ETV6: variants seen among roughly 807,000 people sequenced by gnomAD.
ETV6 encodes the protein ETS variant transcription factor 6.
Under a neutral mutation model 51.1 loss-of-function variants are expected in ETV6, and 16 were observed. The observed-to-expected ratio is 0.31, with a 90% CI of 0.21 to 0.48. ETV6 has a LOEUF of 0.48. Ranked by LOEUF, ETV6 falls within the 20% of genes least tolerant of loss-of-function variation. The pLI is 0.99. For synonymous variants in ETV6, 240 were observed against 224.1 expected (o/e 1.07, Z -0.64); for missense variants, 458 against 594.8 (o/e 0.77, Z 2.39).
At chr12:11,880,033 A>T (rs1449604061) in intron 5 of ETV6, among the ~76,000 whole-genome samples, 4 of 45,970 alleles carry the variant, frequency 8.7e-5, no homozygotes, top group Admixed American at 2.5e-4. Context: ...TCAATTGTTT[A>T]AAAAAAAAAA....
In ETV6 at chr12:11,859,220, C is replaced by G. The variant is rs1042418961; in HGVS notation, c.463+5659C>G. ...GCAGTGGTGCGATCTCGGTTCACTG[C>G]AAGCTCCACCTCCTGGGTTCACTCC... On this transcript the variant is annotated intron_variant, in intron 4 of 7. Transcript: ENST00000396373. Among the ~76,000 whole-genome samples, 120 of 138,682 alleles carry G rather than the reference C, an allele frequency of 8.7e-4. 1 individual carries two copies. The highest frequency in any genetic ancestry group is 3.1e-3 in the African/African-American group (117 of 37,230). 91.0% of individuals were successfully genotyped at this position (138,682 alleles called of 152,430 possible).
At chr12:11,709,655 G>C (rs982823612) in intron 1 of ETV6, among the ~76,000 whole-genome samples, 15 of 152,242 alleles carry the variant, frequency 9.9e-5, no homozygotes, top group African/African-American at 3.4e-4. Flanking sequence ...GGATGTTTCT[G>C]TGAAGGTATT....
At chr12:11,738,893 C>T (rs1292384195) in intron 1 of ETV6, among the ~76,000 whole-genome samples, 2 of 152,140 alleles carry the variant, frequency 1.3e-5, no homozygotes, top group South Asian at 2.1e-4. Flanking sequence ...GTTGTGGCTG[C>T]GCAACGTTTT....
chr12:11,871,262 C>T (rs760038179), intron 5 of ETV6, among the ~76,000 whole-genome samples: 12 of 148,332 alleles, frequency 8.1e-5, no homozygotes, highest in Admixed American at 2.0e-4. Context: ...AATCTCGGCT[C>T]ACTGCAAGCT....
intron 5 of ETV6, among the ~76,000 whole-genome samples, chr12:11,882,545 G>GGC (rs1328727925): frequency 1.3e-5 from 2 of 152,154 alleles, no homozygotes; most frequent in Non-Finnish European, 2.9e-5. Context: ...CTCATAAGGC[G>GGC]GCGTAAGGGT....
chr12:11,739,741 T>C (rs908233385), intron 1 of ETV6, among the ~76,000 whole-genome samples: 1 of 152,242 alleles, frequency 6.6e-6, no homozygotes, highest in Admixed American at 6.5e-5. Context: ...TTAGGTGTCC[T>C]ATGTTATTTA....
intron 1 of ETV6, among the ~76,000 whole-genome samples, chr12:11,747,840 G>A (rs1865936462): frequency 6.6e-6 from 1 of 152,160 alleles, no homozygotes; most frequent in African/African-American, 2.4e-5. Context: ...CTTACTTAAT[G>A]AAAGCCAACA....
chr12:11,690,670 C>G (rs1429891901), intron 1 of ETV6, among the ~76,000 whole-genome samples: 1 of 152,020 alleles, frequency 6.6e-6, no homozygotes, highest in East Asian at 1.9e-4. Flanking sequence ...AGGCAGACCA[C>G]TTGAGGTGCA....
At chr12:11,871,969 T>G (rs1946887237) in intron 5 of ETV6, among the ~76,000 whole-genome samples, 1 of 152,252 alleles carries the variant, frequency 6.6e-6, no homozygotes, top group South Asian at 2.1e-4. Flanking sequence ...GTCAGTGTAT[T>G]GCTGTGAATT....
chr12:11,880,591 T>C (rs1165277837), intron 5 of ETV6, among the ~76,000 whole-genome samples: 1 of 152,184 alleles, frequency 6.6e-6, no homozygotes, highest in Non-Finnish European at 1.5e-5. Context: ...AACAGAAACA[T>C]GCAGTGAAAA....
intron 1 of ETV6, among the ~76,000 whole-genome samples, chr12:11,653,861 G>A (rs1863952676): frequency 6.6e-6 from 1 of 151,990 alleles, no homozygotes; most frequent in Admixed American, 6.5e-5. Flanking sequence ...TCGCCAGACT[G>A]GAGTTCAGTG....
intron 1 of ETV6, among the ~76,000 whole-genome samples, chr12:11,699,531 G>A (rs1565490641): frequency 6.6e-6 from 1 of 152,154 alleles, no homozygotes; most frequent in Non-Finnish European, 1.5e-5. Context: ...GCAGGGGTGT[G>A]TGTGTTTCTT....
At chr12:11,812,812 A>G (rs1945933869) in intron 2 of ETV6, among the ~76,000 whole-genome samples, 1 of 152,166 alleles carries the variant, frequency 6.6e-6, no homozygotes, top group Non-Finnish European at 1.5e-5. Flanking sequence ...TGGGGACTGT[A>G]TTGAGTGCAG....
chr12:11,661,775 T>A (rs1361975619), intron 1 of ETV6, among the ~76,000 whole-genome samples: 1 of 152,216 alleles, frequency 6.6e-6, no homozygotes, highest in Non-Finnish European at 1.5e-5. Context: ...AAACAAAGGC[T>A]CCCTTTCTGA....
chr12:11,701,437 T>C (rs1266890045), intron 1 of ETV6, among the ~76,000 whole-genome samples: 1 of 152,236 alleles, frequency 6.6e-6, no homozygotes, highest in Non-Finnish European at 1.5e-5. Flanking sequence ...TTATCCATGT[T>C]GTAGCATGTG....
chr12:11,839,290 G>C lies in ETV6; in HGVS notation c.314G>C (p.Arg105Pro). The C allele has an allele frequency of 6.2e-7, 1 of 1,613,670 alleles. No individual in the cohort carries two copies. ...LLLTKEDFRY[R>P]SPHSGDVLYE... ...CTGACCAAAGAGGACTTTCGCTATC[G>C]ATCTCCTCATTCAGGTGAGAGTCTG... is the stretch of plus-strand genomic sequence containing the variant. Residue 105 changes from arginine (R) to proline (P), a missense_variant, in exon 3 of 8, where the codon CGA becomes CCA. Around this residue, in one of 4 missense-constraint regions of ETV6, gnomAD observed 293 missense variants for 315.7 expected, o/e 0.93. Transcript: ENST00000396373.
intron 1 of ETV6, among the ~76,000 whole-genome samples, chr12:11,706,383 C>T (rs1170397651): frequency 1.3e-5 from 2 of 152,198 alleles, no homozygotes; most frequent in Non-Finnish European, 2.9e-5. Context: ...TTTCTCTTCG[C>T]TGGAAGAGCC....
intron 2 of ETV6, among the ~76,000 whole-genome samples, chr12:11,813,183 T>C (rs989320706): frequency 6.6e-6 from 1 of 152,216 alleles, no homozygotes; most frequent in Non-Finnish European, 1.5e-5. Flanking sequence ...ATCAGAATTT[T>C]CCATCCTTCC....
At chr12:11,827,408 A>C (rs572907971) in intron 2 of ETV6, among the ~76,000 whole-genome samples, 1 of 152,136 alleles carries the variant, frequency 6.6e-6, no homozygotes, top group Non-Finnish European at 1.5e-5. Flanking sequence ...TCCTTAAAAA[A>C]CAGCATGTTC....
Sources: allele counts gnomAD v4.1 joint callset (sites outside exome capture counted in the v4.1 genomes callset), GRCh38; gene constraint gnomAD v4.1.1; regional missense constraint gnomAD v4.1.1; transcripts MANE v1.5; gene names NCBI Gene and HGNC (gene_info 2026-07-23, HGNC 2026-07-21).